The following KCNB2 variants were observed in gnomAD, a reference collection of about 807,000 sequenced individuals.
The protein encoded by KCNB2 is potassium voltage-gated channel subfamily B member 2.
A neutral mutation model predicts 61.5 loss-of-function variants in KCNB2; 15 were observed. The ratio of observed to expected loss-of-function variants is 0.24; its 90% CI spans 0.16 to 0.38. KCNB2 has a LOEUF of 0.38. Ranked by LOEUF, KCNB2 falls within the 10% of genes least tolerant of loss-of-function variation. KCNB2 has a pLI of 1.00. For missense variants in KCNB2, 828 were observed against 1,125.2 expected, an observed-to-expected ratio of 0.74 and a Z score of 3.78; for synonymous variants, 457 against 446.0, an observed-to-expected ratio of 1.02 and a Z score of -0.31.
intron 2 of KCNB2, among the ~76,000 whole-genome samples, chr8:72,630,815 G>A (rs1284105974): frequency 1.3e-5 from 2 of 152,098 alleles, no homozygotes; most frequent in East Asian, 3.9e-4. Flanking sequence ...TTTGGTAAAA[G>A]GGGAGAAAGA....
intron 2 of KCNB2, among the ~76,000 whole-genome samples, chr8:72,633,291 T>C (rs1805911429): frequency 6.6e-6 from 1 of 152,114 alleles, no homozygotes; most frequent in African/African-American, 2.4e-5. Context: ...ACCAAGGGCA[T>C]GTCAAACCCT....
At chr8:72,920,473 C>CTATATATATATATATA (rs1554544463) in intron 2 of KCNB2, among the ~76,000 whole-genome samples, 14 of 78,794 alleles carry the variant, frequency 1.8e-4, no homozygotes, top group African/African-American at 5.9e-4. Context: ...ATCTATCTAT[C>CTATATATATATATATA]TATATATATA....
At chr8:72,681,403 C>A (rs180887830) in intron 2 of KCNB2, among the ~76,000 whole-genome samples, 1 of 151,846 alleles carries the variant, frequency 6.6e-6, no homozygotes, top group Non-Finnish European at 1.5e-5. Context: ...ACACATTAAC[C>A]CAGGCCTACA....
chr8:72,583,620 C>T (rs186359460), intron 2 of KCNB2, among the ~76,000 whole-genome samples: 6 of 152,058 alleles, frequency 3.9e-5, no homozygotes, highest in Admixed American at 6.6e-5. Flanking sequence ...GAAGCCTGGG[C>T]GAGTTCTGAG....
At chr8:72,707,310 C>A (rs1248139015) in intron 2 of KCNB2, among the ~76,000 whole-genome samples, 1 of 152,158 alleles carries the variant, frequency 6.6e-6, no homozygotes, top group Non-Finnish European at 1.5e-5. Context: ...AATTTAAATT[C>A]TTCTTGGGAG....
chr8:72,668,754 G>T (rs1806518169), intron 2 of KCNB2, among the ~76,000 whole-genome samples: 1 of 152,122 alleles, frequency 6.6e-6, no homozygotes. Context: ...TTATGTTTGT[G>T]TGTTCTTATT....
intron 2 of KCNB2, among the ~76,000 whole-genome samples, chr8:72,905,157 G>C (rs755338970): frequency 1.3e-5 from 2 of 152,150 alleles, no homozygotes; most frequent in Non-Finnish European, 2.9e-5. Flanking sequence ...AAATCTCTTA[G>C]AAGCTAAGCT....
chr8:72,689,109 T>A (rs1193245963), intron 2 of KCNB2, among the ~76,000 whole-genome samples: 1 of 152,124 alleles, frequency 6.6e-6, no homozygotes. Flanking sequence ...ATGGTATAGA[T>A]GGAAGTAGAT....
intron 2 of KCNB2, among the ~76,000 whole-genome samples, chr8:72,851,601 A>T (rs1053560055): frequency 9.2e-5 from 14 of 151,916 alleles, no homozygotes; most frequent in Non-Finnish European, 1.9e-4. Context: ...AGAACAGGCA[A>T]GTTGACTTCC....
chr8:72,916,808 C>A (rs1724915164), intron 2 of KCNB2, among the ~76,000 whole-genome samples: 1 of 152,222 alleles, frequency 6.6e-6, no homozygotes, highest in African/African-American at 2.4e-5. Context: ...CCCAGCCACA[C>A]TTCTCTCTAA....
chr8:72,799,361 G>T (rs940057294), intron 2 of KCNB2, among the ~76,000 whole-genome samples: 3 of 151,900 alleles, frequency 2.0e-5, no homozygotes, highest in African/African-American at 7.3e-5. Flanking sequence ...TACGCATTAA[G>T]GACTCAACTC....
chr8:72,864,605 G>A (rs191601190), intron 2 of KCNB2, among the ~76,000 whole-genome samples: 78 of 152,292 alleles, frequency 5.1e-4, no homozygotes, highest in Middle Eastern at 6.8e-3. Flanking sequence ...ATCAAGATAG[G>A]TGAGGTTTCT....
At chr8:72,617,543 C>A (rs550286097) in intron 2 of KCNB2, among the ~76,000 whole-genome samples, 1 of 149,534 alleles carries the variant, frequency 6.7e-6, no homozygotes, top group Non-Finnish European at 1.5e-5. Context: ...ACTTATTCAA[C>A]GTGGAGCAGA....
intron 2 of KCNB2, among the ~76,000 whole-genome samples, chr8:72,659,431 T>C (rs1344453054): frequency 6.6e-6 from 1 of 152,220 alleles, no homozygotes; most frequent in Non-Finnish European, 1.5e-5. Flanking sequence ...ATTGTTGAAA[T>C]GACAACAAAG....
At chr8:72,796,961 T>C (rs1809041058) in intron 2 of KCNB2, among the ~76,000 whole-genome samples, 1 of 152,180 alleles carries the variant, frequency 6.6e-6, no homozygotes. Context: ...CTCAGAAATG[T>C]TTTTAGGTGA....
At chr8:72,714,252 G>C (rs894818033) in intron 2 of KCNB2, among the ~76,000 whole-genome samples, 2 of 152,162 alleles carry the variant, frequency 1.3e-5, no homozygotes, top group Non-Finnish European at 2.9e-5. Context: ...TATTATCCAG[G>C]AGAACTTCCC....
intron 2 of KCNB2, among the ~76,000 whole-genome samples, chr8:72,785,397 A>C (rs1184555011): frequency 6.6e-6 from 1 of 152,282 alleles, no homozygotes; most frequent in African/African-American, 2.4e-5. Context: ...TTTCCCTAGG[A>C]CTGTCAAGTT....
intron 2 of KCNB2, among the ~76,000 whole-genome samples, chr8:72,834,281 C>T (rs2919409): frequency 0.3 from 45,304 of 151,986 alleles, 9,127 homozygotes; most frequent in African/African-American, 0.56. Context: ...AAGGAAGAAA[C>T]ATCTGACCCT....
chr8:72,656,904 C>A (rs1806301038), intron 2 of KCNB2, among the ~76,000 whole-genome samples: 1 of 152,076 alleles, frequency 6.6e-6, no homozygotes, highest in African/African-American at 2.4e-5. Context: ...AGAAAGGAAG[C>A]ATTGTGTTGC....
Sources: gnomAD v4.1 joint callset for allele counts (sites outside exome capture counted in the v4.1 genomes callset) on GRCh38, gnomAD v4.1.1 for gene constraint, MANE v1.5 for transcripts, NCBI Gene and HGNC (gene_info 2026-07-23, HGNC 2026-07-21) for gene names.